The following ACTR3C variants were observed in gnomAD, a reference collection of about 807,000 sequenced individuals.
ACTR3C encodes the protein actin related protein 3C, also known as actin-related protein 3C.
A neutral mutation model predicts 26.3 loss-of-function variants in ACTR3C; 18 were observed. The ratio of observed to expected loss-of-function variants is 0.68; its 90% CI spans 0.47 to 1.01. ACTR3C has a LOEUF of 1.01. Ranked by LOEUF, ACTR3C falls within the 50% of genes least tolerant of loss-of-function variation. ACTR3C has a pLI of 0.00. For missense variants in ACTR3C, 184 were observed against 250.7 expected (o/e 0.73, Z 1.80); for synonymous variants, 55 against 94.5 (o/e 0.58, Z 2.42).
At chr7:150,064,497 G>A in the ACTR3C span, among the ~76,000 whole-genome samples, 6 of 150,032 alleles carry the variant, frequency 4.0e-5, no homozygotes, top group East Asian at 1.9e-4. Flanking sequence ...CCTGTGAGGC[G>A]GAGGTTGCAG....
At chr7:150,312,517 C>T (rs947873716) in intron 1 of ACTR3C, among the ~76,000 whole-genome samples, 1 of 152,148 alleles carries the variant, frequency 6.6e-6, no homozygotes, top group Admixed American at 6.5e-5. Context: ...AACTCATCGC[C>T]ACCTACATTA....
At chr7:150,198,644 C>T in the ACTR3C span, among the ~76,000 whole-genome samples, 4 of 148,910 alleles carry the variant, frequency 2.7e-5, no homozygotes, top group Non-Finnish European at 5.9e-5. Flanking sequence ...GATCCTCCGC[C>T]CGGCAGCTGC....
downstream of ACTR3C, among the ~76,000 whole-genome samples, chr7:150,243,334 TA>T (rs1832288493): frequency 6.6e-6 from 1 of 152,108 alleles, no homozygotes; most frequent in Non-Finnish European, 1.5e-5. Context: ...AAAAATATTT[TA>T]AAAGGCATTT....
At chr7:150,225,341 A>T in the ACTR3C span, among the ~76,000 whole-genome samples, 2 of 152,176 alleles carry the variant, frequency 1.3e-5, no homozygotes. Flanking sequence ...GTATGTCTAT[A>T]TTCAGCCAAA....
At chr7:150,211,066 A>G in the ACTR3C span, among the ~76,000 whole-genome samples, 1 of 150,166 alleles carries the variant, frequency 6.7e-6, no homozygotes, top group Non-Finnish European at 1.5e-5. Flanking sequence ...TAAATATGAC[A>G]AACACCAATT....
At chr7:149,975,329 C>T in the ACTR3C span, among the ~76,000 whole-genome samples, 3 of 152,014 alleles carry the variant, frequency 2.0e-5, no homozygotes, top group Non-Finnish European at 4.4e-5. Context: ...ACAAGGGAAA[C>T]ACAAAAATAC....
intron 6 of ACTR3C, among the ~76,000 whole-genome samples, chr7:150,280,925 G>GA (rs1483924064): frequency 6.6e-6 from 1 of 152,290 alleles, no homozygotes; most frequent in African/African-American, 2.4e-5. Context: ...AAAGCTAGGA[G>GA]AAAAAAGCCC....
At chr7:150,126,573 G>A in the ACTR3C span, among the ~76,000 whole-genome samples, 7 of 152,322 alleles carry the variant, frequency 4.6e-5, no homozygotes, top group East Asian at 1.4e-3. Flanking sequence ...CTGTCTATAA[G>A]AAAGTTACTA....
the ACTR3C span, among the ~76,000 whole-genome samples, chr7:150,221,140 T>G: frequency 2.0e-5 from 3 of 152,274 alleles, no homozygotes; most frequent in East Asian, 5.8e-4. Context: ...GAGCAGGCGC[T>G]GCGCGCGGAG....
chr7:150,038,863 C>G, the ACTR3C span, among the ~76,000 whole-genome samples: 4 of 132,352 alleles, frequency 3.0e-5, no homozygotes, highest in Admixed American at 2.2e-4. Flanking sequence ...GGGGCTGGCT[C>G]TCAGTCCCTG....
the ACTR3C span, among the ~76,000 whole-genome samples, chr7:149,882,702 C>T: frequency 6.6e-5 from 10 of 152,176 alleles, no homozygotes; most frequent in African/African-American, 2.2e-4. Context: ...GTTAAAGCTA[C>T]GAAAACAGAC....
chr7:149,901,642 G>A, the ACTR3C span, among the ~76,000 whole-genome samples: 1,364 of 151,916 alleles, frequency 9.0e-3, 29 homozygotes, highest in African/African-American at 0.031. Context: ...ACAATGGGCC[G>A]GCACAGTGGC....
chr7:150,208,204 ACT>A, the ACTR3C span, among the ~76,000 whole-genome samples: 1 of 151,958 alleles, frequency 6.6e-6, no homozygotes. Flanking sequence ...GGCCCAGGAG[ACT>A]CTGAGCTAAA....
the ACTR3C span, among the ~76,000 whole-genome samples, chr7:150,068,766 G>C: frequency 3.2e-5 from 4 of 124,130 alleles, no homozygotes; most frequent in African/African-American, 9.7e-5. Context: ...CTGGGTGACA[G>C]AGCGAGACTC....
the ACTR3C span, among the ~76,000 whole-genome samples, chr7:150,125,644 C>T: frequency 1.3e-5 from 2 of 152,090 alleles, no homozygotes; most frequent in African/African-American, 2.4e-5. Context: ...TGGCTATACA[C>T]CCGAATTCCC....
chr7:150,245,122 C>G (rs1050809021), downstream of ACTR3C: 1 of 152,160 alleles, frequency 6.6e-6, no homozygotes, highest in African/African-American at 2.4e-5. Flanking sequence ...TGCATCTTAC[C>G]CTTCCCACTT....
chr7:149,884,536 A>C, the ACTR3C span, among the ~76,000 whole-genome samples: 1 of 152,176 alleles, frequency 6.6e-6, no homozygotes, highest in African/African-American at 2.4e-5. Context: ...GCCATTTCAC[A>C]ATGTATACAC....
the ACTR3C span, among the ~76,000 whole-genome samples, chr7:150,188,570 A>G: frequency 6.6e-6 from 1 of 151,268 alleles, no homozygotes; most frequent in Non-Finnish European, 1.5e-5. Context: ...TCACATTTCC[A>G]CCAGCACTGT....
chr7:150,240,662 A>G (rs191793316), downstream of ACTR3C, among the ~76,000 whole-genome samples: 1 of 152,224 alleles, frequency 6.6e-6, no homozygotes, highest in South Asian at 2.1e-4. Context: ...AACAACAACA[A>G]AAAAGCCTTA....
Sources: gnomAD v4.1 joint callset for allele counts (sites outside exome capture counted in the v4.1 genomes callset) on GRCh38, gnomAD v4.1.1 for gene constraint, MANE v1.5 for transcripts, NCBI Gene and HGNC (gene_info 2026-07-23, HGNC 2026-07-21) for gene names.